F13B: variants seen among roughly 807,000 people sequenced by gnomAD.
The protein encoded by F13B is coagulation factor XIII B chain.
In F13B, 58 loss-of-function variants were observed where a neutral mutation model predicts 79.8. The ratio of observed to expected loss-of-function variants is 0.73; its 90% CI spans 0.59 to 0.90. F13B has a LOEUF of 0.90. Among genes scored for constraint, F13B ranks in the 40% least tolerant of loss-of-function variants. F13B has a pLI of 0.00. For missense variants in F13B, 773 were observed against 777.0 expected (o/e 0.99, Z 0.06); for synonymous variants, 283 against 260.3 (o/e 1.09, Z -0.84).
rs17549873 is a variant in F13B, at chr1:197,039,289, C to T, written c.*89G>A. On this transcript the variant is annotated 3_prime_UTR_variant, in exon 12 of 12. Coordinates refer to ENST00000367412, the MANE Select transcript of F13B (RefSeq NM_001994.3). ...CAAATATTTAAGCAAGGAAAAACTC[C>T]GAAGTTTTTAACTTATTTCCTCAAA... 129 of 1,140,300 alleles carry T rather than the reference C, an allele frequency of 1.1e-4. 1 individual carries two copies. The East Asian group carries it at 2.7e-3, about 24-fold the overall frequency. 70.6% of individuals were successfully genotyped at this position (1,140,300 alleles called of 1,614,324 possible).
At chr1:197,050,431 C>T (rs1345273955) in intron 10 of F13B, among the ~76,000 whole-genome samples, 2 of 152,066 alleles carry the variant, frequency 1.3e-5, no homozygotes, top group African/African-American at 2.4e-5. Context: ...AAAGTTTACT[C>T]ACACCACTAT....
chr1:197,044,006 C>T (rs892086970), intron 10 of F13B, among the ~76,000 whole-genome samples: 4 of 151,480 alleles, frequency 2.6e-5, no homozygotes, highest in Admixed American at 2.0e-4. Context: ...AGCTGCAGAC[C>T]GGAGCTGTTC....
In F13B at chr1:197,061,070, A is replaced by C. The variant is rs1321285831; in HGVS notation, c.457T>G (p.Cys153Gly). 4.8e-6 allele frequency: 7 copies of C among 1,469,644 alleles called. No individual in the cohort carries two copies. The highest frequency in any genetic ancestry group is 5.6e-6 in the Non-Finnish European group (6 of 1,074,556). The allele number at this position is 1,469,644 out of a possible 1,614,324, so 91.0% of individuals were successfully genotyped here. The change falls in exon 4 of 12, where the codon TGT (cysteine) becomes GGT (glycine). Residue 153 changes from cysteine to glycine, a missense_variant. Coordinates refer to ENST00000367412, the MANE Select transcript of F13B (RefSeq NM_001994.3). ...QPTCRKEHET[C>G]LAPELYNGNY... is the part of the protein sequence containing the mutation. ...CCATTATATAATTCAGGAGCCAAAC[A>C]TGTTTCTAAAATTATAAAAATTATT...
rs752112581 is a variant in F13B at position 197,052,656 on chromosome 1, T to A, written c.1533A>T (p.Lys511Asn). 1 of 1,611,144 alleles carries A rather than the reference T, an allele frequency of 6.2e-7. No homozygotes were observed. Among genetic ancestry groups the A allele is most frequent in the Non-Finnish European group, 8.5e-7 (1 of 1,178,322 alleles). The change falls in exon 9 of 12, where the codon AAA (lysine) becomes AAT (asparagine). Residue 511 changes from lysine (K) to asparagine (N), a missense_variant. Physicochemically the swap from Lys to Asn is moderately conservative, Grantham distance 94. Transcript: ENST00000367412. ...LSVQCNRGEV[K>N]YPLCTRKESK... The stretch of plus-strand genomic sequence containing the variant: ...TACCTTTTCTAGTACATAAAGGATA[T>A]TTCACTTCTCCTCTGTTGCACTGCA...
In F13B at chr1:197,055,730, G is replaced by T; in HGVS notation, c.1339C>A (p.Pro447Thr). Residue 447 changes from proline (P) to threonine (T), a missense_variant, in exon 8 of 12, where the codon CCA (proline) becomes ACA (threonine). Physicochemically the swap from Pro to Thr is conservative, Grantham distance 38. Coordinates refer to ENST00000367412, the MANE Select transcript of F13B (RefSeq NM_001994.3). ...TCTTTCTTACCCAAGCAAACAGGTG[G>T]GGATGACCATTTTCCTTGTTCGCAA... ...SRCEQGKWSS[P>T]PVCLEPCTVN... The T allele has an allele frequency of 1.9e-6, 3 of 1,613,336 alleles. No individual in the cohort carries two copies. Among genetic ancestry groups the T allele is most frequent in the Non-Finnish European group, 8.5e-7 (1 of 1,179,582 alleles).
chr1:197,046,800 G>C (rs1418629417), intron 10 of F13B, among the ~76,000 whole-genome samples: 1 of 152,094 alleles, frequency 6.6e-6, no homozygotes, highest in Non-Finnish European at 1.5e-5. Flanking sequence ...CATGATACTG[G>C]TACCAAAACA....
At chr1:197,056,428 T>G (rs1655643520) in intron 7 of F13B, among the ~76,000 whole-genome samples, 1 of 152,126 alleles carries the variant, frequency 6.6e-6, no homozygotes, top group Admixed American at 6.6e-5. Flanking sequence ...TCTGATCTGA[T>G]TAAGAAATGA....
chr1:197,039,277 A>T lies in F13B; in HGVS notation c.*101T>A, dbSNP rs2125050781. ...ATAATTTAGATTCAAATATTTAAGC[A>T]AGGAAAAACTCCGAAGTTTTTAACT... On this transcript the variant is annotated 3_prime_UTR_variant, in exon 12 of 12. Transcript: ENST00000367412. 6.2e-6 allele frequency: 6 copies of T among 960,206 alleles called. No individual in the cohort carries two copies. Among genetic ancestry groups the T allele is most frequent in the Non-Finnish European group, 9.9e-6 (6 of 608,190 alleles). 59.5% of individuals were successfully genotyped at this position (960,206 alleles called of 1,614,324 possible).
At chr1:197,065,158 C>T (rs1486965925) in intron 1 of F13B, among the ~76,000 whole-genome samples, 4 of 152,060 alleles carry the variant, frequency 2.6e-5, no homozygotes, top group Non-Finnish European at 5.9e-5. Flanking sequence ...GGTGAATACA[C>T]AAGAAATTTC....
intron 2 of F13B, among the ~76,000 whole-genome samples, chr1:197,062,584 C>G (rs949083759): frequency 6.6e-6 from 1 of 152,128 alleles, no homozygotes; most frequent in African/African-American, 2.4e-5. Context: ...TAAATTACCT[C>G]TCTTTGCCTT....
intron 10 of F13B, among the ~76,000 whole-genome samples, chr1:197,047,900 A>G (rs1655293902): frequency 6.6e-6 from 1 of 152,126 alleles, no homozygotes; most frequent in African/African-American, 2.4e-5. Context: ...ACAGAAAACC[A>G]AACACTGCAT....
At chr1:197,044,125 G>A (rs1655141235) in intron 10 of F13B, among the ~76,000 whole-genome samples, 2 of 151,758 alleles carry the variant, frequency 1.3e-5, no homozygotes, top group South Asian at 4.2e-4. Context: ...TGTTTCTAAG[G>A]AACTCCAGCC....
In F13B at chr1:197,060,442, T is replaced by C; in HGVS notation, c.729A>G (p.Glu243=). The change falls in exon 5 of 12, where the codon GAA becomes GAG. Residue 243 remains glutamate (E), a synonymous_variant. Coordinates refer to ENST00000367412, the MANE Select transcript of F13B (RefSeq NM_001994.3). ...AATCAGATCCACTTAGATAATAATT[T>C]TCATGACAGAAAAACTGAACGACAT... The part of the protein sequence containing the change: ...EGDVVQFFCH[E]NYYLSGSDLI... 3 of 1,611,400 alleles carry C rather than the reference T, an allele frequency of 1.9e-6. No individual in the cohort carries two copies. Among genetic ancestry groups the C allele is most frequent in the Non-Finnish European group, 2.5e-6 (3 of 1,178,212 alleles).
rs531430163 is a variant in F13B, at chr1:197,056,941, C to G, written c.1171+72G>C. On this transcript the variant is annotated intron_variant, in intron 7 of 11. Transcript: ENST00000367412. ...GCAGTGGTCTTTTCCTAGGAATATT[C>G]AGATTAAAGTAACAGAATGGAAAAT... The G allele has an allele frequency of 4.5e-5, 68 of 1,514,718 alleles. No homozygotes were observed. The South Asian group carries it at 6.5e-4, about 14-fold the overall frequency. 93.8% of individuals were successfully genotyped at this position (1,514,718 alleles called of 1,614,324 possible). A position where few individuals can be genotyped will look rare whatever the true frequency, so the allele number is the denominator to read the frequency against.
chr1:197,041,753 T>C (rs1655043795), intron 10 of F13B, among the ~76,000 whole-genome samples: 1 of 152,174 alleles, frequency 6.6e-6, no homozygotes. Flanking sequence ...CTCTTCCACC[T>C]CAACTAAACA....
At chr1:197,052,404 C>G (rs1209127213) in intron 9 of F13B, among the ~76,000 whole-genome samples, 1 of 152,020 alleles carries the variant, frequency 6.6e-6, no homozygotes, top group Non-Finnish European at 1.5e-5. Context: ...AAATTCGACG[C>G]AGCAATTCCA....
intron 8 of F13B, 149 bp downstream of exon 8, chr1:197,055,566 T>C: frequency 2.5e-6 from 2 of 793,972 alleles, no homozygotes; most frequent in Non-Finnish European, 4.1e-6. Flanking sequence ...AATACACTAA[T>C]ATTTTAGGGA....
intron 8 of F13B, 85 bp downstream of exon 8, chr1:197,055,630 A>G: frequency 7.1e-7 from 1 of 1,417,044 alleles, no homozygotes; most frequent in Non-Finnish European, 1.0e-6. Context: ...GATTTGTACA[A>G]AATCATCATT....
chr1:197,060,012 G>A (rs1294949679), intron 5 of F13B, among the ~76,000 whole-genome samples: 2 of 151,986 alleles, frequency 1.3e-5, no homozygotes, highest in Non-Finnish European at 2.9e-5. Flanking sequence ...GGAAATATGT[G>A]GCAAATTAAG....
Sources: allele counts gnomAD v4.1 joint callset (sites outside exome capture counted in the v4.1 genomes callset), GRCh38; gene constraint gnomAD v4.1.1; transcripts MANE v1.5; gene names NCBI Gene and HGNC (gene_info 2026-07-23, HGNC 2026-07-21).